AGO2: variants seen among roughly 807,000 people sequenced by gnomAD.
AGO2 encodes protein argonaute-2.
A neutral mutation model predicts 102.3 loss-of-function variants in AGO2; 5 were observed. The observed-to-expected ratio is 0.05, with a 90% CI of 0.03 to 0.10. The LOEUF is 0.10. Ranked by LOEUF, AGO2 falls within the 10% of genes least tolerant of loss-of-function variation. The pLI, the probability that AGO2 is intolerant of heterozygous loss-of-function variation, is 1.00. For synonymous variants in AGO2, 449 were observed against 473.1 expected, an observed-to-expected ratio of 0.95 and a Z score of 0.66; for missense variants, 541 against 1,183.7, an observed-to-expected ratio of 0.46 and a Z score of 7.97.
intron 9 of AGO2, 62 bp from the exon 10 acceptor site, chr8:140,556,080 T>C: frequency 1.2e-6 from 2 of 1,611,280 alleles, no homozygotes; most frequent in Non-Finnish European, 1.7e-6. Context: ...CTCTAGCAGC[T>C]GCGTCCGTTC....
In AGO2 at chr8:140,524,586, A is replaced by G. The variant is rs2072468819; in HGVS notation, c.*7458T>C. On this transcript the variant is annotated 3_prime_UTR_variant, in exon 19 of 19. Transcript: ENST00000220592. ...AGTTCCCCAGAGAAACGCAGCCCCA[A>G]CATGATTCTGAAAGGACACTGAGGA... is the stretch of plus-strand genomic sequence containing the variant. 6.6e-6 allele frequency: 1 copy of G among 152,344 alleles called. No homozygotes were observed. Among genetic ancestry groups the G allele is most frequent in the East Asian group, 1.9e-4 (1 of 5,194 alleles). 9.4% of individuals were successfully genotyped at this position (152,344 alleles called of 1,614,324 possible). A position where few individuals can be genotyped will look rare whatever the true frequency, so the allele number is the denominator to read the frequency against.
intron 10 of AGO2, among the ~76,000 whole-genome samples, chr8:140,553,417 T>C (rs933777339): frequency 6.6e-6 from 1 of 150,576 alleles, no homozygotes; most frequent in Admixed American, 6.6e-5. Flanking sequence ...TTTTGTTTTT[T>C]TTTTTTTTTG....
At chr8:140,550,288 A>T (rs981534326) in intron 11 of AGO2, among the ~76,000 whole-genome samples, 5 of 152,224 alleles carry the variant, frequency 3.3e-5, no homozygotes, top group Admixed American at 6.5e-5. Context: ...TACACCTCAC[A>T]GGCTGGAGTT....
In AGO2 at chr8:140,520,162, TAGG is replaced by T. The variant is rs948995251; in HGVS notation, c.*11879_*11881del. 1.3e-5 allele frequency: 2 copies of T among 152,148 alleles called. No homozygotes were observed. The highest frequency in any genetic ancestry group is 2.4e-5 in the African/African-American group (1 of 41,434). The allele number at this position is 152,148 out of a possible 1,614,324, so 9.4% of individuals were successfully genotyped here. On this transcript the variant is annotated 3_prime_UTR_variant, in exon 19 of 19. Transcript: ENST00000220592. ...GATTTTTGGAAGAGGCAGCTGTAAATAGGAGGACTTTTATTTAATTTTTTGCTG... is the reference window on the plus strand; with the variant it reads ...GATTTTTGGAAGAGGCAGCTGTAAATAGGACTTTTATTTAATTTTTTGCTG...
intron 4 of AGO2, among the ~76,000 whole-genome samples, chr8:140,560,877 C>T (rs577935098): frequency 6.6e-6 from 1 of 152,354 alleles, no homozygotes; most frequent in South Asian, 2.1e-4. Context: ...GGGCCTGTGT[C>T]CCCAAGCGCA....
chr8:140,603,362 T>C (rs376643707), intron 1 of AGO2, among the ~76,000 whole-genome samples: 1 of 152,212 alleles, frequency 6.6e-6, no homozygotes, highest in Non-Finnish European at 1.5e-5. Context: ...GCCAGGTTGT[T>C]TTCTTCTTGT....
chr8:140,639,351 C>G (rs754363025), upstream of AGO2, among the ~76,000 whole-genome samples: 1 of 152,004 alleles, frequency 6.6e-6, no homozygotes, highest in Non-Finnish European at 1.5e-5. Flanking sequence ...TGTGGTGGCA[C>G]GCGCCTGTAG....
At chr8:140,625,490 A>G (rs1015536265) in intron 1 of AGO2, among the ~76,000 whole-genome samples, 5 of 151,686 alleles carry the variant, frequency 3.3e-5, no homozygotes, top group Non-Finnish European at 7.4e-5. Flanking sequence ...CTGCTCAACC[A>G]TGGTCTTTCA....
At chr8:140,585,555 C>T (rs2073643191) in intron 1 of AGO2, among the ~76,000 whole-genome samples, 1 of 152,206 alleles carries the variant, frequency 6.6e-6, no homozygotes. Flanking sequence ...CTGTCTCAGA[C>T]ACTGGAGAGA....
At chr8:140,597,142 A>C (rs60612812) in intron 1 of AGO2, among the ~76,000 whole-genome samples, 1,552 of 152,324 alleles carry the variant, frequency 0.01, 22 homozygotes, top group African/African-American at 0.036. Flanking sequence ...TGTTTCGTTC[A>C]TTTATAACCA....
chr8:140,599,892 T>C (rs898587313), intron 1 of AGO2, among the ~76,000 whole-genome samples: 11 of 152,168 alleles, frequency 7.2e-5, no homozygotes, highest in African/African-American at 1.2e-4. Flanking sequence ...TGGCTGATTT[T>C]TGTATTTTTC....
At chr8:140,546,553 G>T (rs2072904514) in intron 13 of AGO2, among the ~76,000 whole-genome samples, 1 of 152,240 alleles carries the variant, frequency 6.6e-6, no homozygotes, top group Admixed American at 6.5e-5. Context: ...TTCGATTTAG[G>T]ATTCTTAACT....
chr8:140,608,630 C>G (rs1324891305), intron 1 of AGO2, among the ~76,000 whole-genome samples: 1 of 152,222 alleles, frequency 6.6e-6, no homozygotes, highest in Non-Finnish European at 1.5e-5. Flanking sequence ...CGCATGCCAC[C>G]TGGGCGGGCA....
chr8:140,642,067 AAAG>A, the AGO2 span, among the ~76,000 whole-genome samples: 1 of 152,090 alleles, frequency 6.6e-6, no homozygotes, highest in Non-Finnish European at 1.5e-5. Context: ...AAGGAAAAAA[AAAG>A]AAAGGAAAAA....
chr8:140,562,663 C>T (rs769373836), intron 3 of AGO2, 29 bp from the exon 4 acceptor site: 1 of 1,603,246 alleles, frequency 6.2e-7, no homozygotes, highest in South Asian at 1.1e-5. Flanking sequence ...CACAAGGTTA[C>T]TCCCTCCTGC....
At chr8:140,588,287 A>T (rs1286325190) in intron 1 of AGO2, among the ~76,000 whole-genome samples, 1 of 152,196 alleles carries the variant, frequency 6.6e-6, no homozygotes, top group Admixed American at 6.5e-5. Flanking sequence ...GGATTCTAGC[A>T]CAGCGCACCT....
chr8:140,635,902 G>A (rs1252770499), upstream of AGO2, among the ~76,000 whole-genome samples: 1 of 148,976 alleles, frequency 6.7e-6, no homozygotes, highest in East Asian at 2.0e-4. Context: ...GGGGACGAGG[G>A]CCGAGGGCGG....
At chr8:140,579,484 C>T (rs936589094) in intron 2 of AGO2, among the ~76,000 whole-genome samples, 1 of 152,124 alleles carries the variant, frequency 6.6e-6, no homozygotes, top group Non-Finnish European at 1.5e-5. Context: ...GAACTACAGA[C>T]ACGGTAATCA....
rs73362304 is a variant in AGO2, at chr8:140,558,659, T to C, written c.791-87A>G. Reference sequence around the variant, plus strand: ...TTGCGAGAATCAGTTTTCATAGGAATGTGGCTGGGGACCCAAGTTATGGGG... The same window carrying C: ...TTGCGAGAATCAGTTTTCATAGGAACGTGGCTGGGGACCCAAGTTATGGGG... On this transcript the variant is annotated intron_variant, in intron 6 of 18. Transcript: ENST00000220592. The C allele has an allele frequency of 5.8e-4, 839 of 1,441,184 alleles. 6 individuals carry two copies. The African/African-American group carries it at 0.01, about 18-fold the overall frequency. 89.3% of individuals were successfully genotyped at this position (1,441,184 alleles called of 1,614,324 possible).
Sources: allele counts gnomAD v4.1 joint callset (sites outside exome capture counted in the v4.1 genomes callset), GRCh38; gene constraint gnomAD v4.1.1; transcripts MANE v1.5; gene names NCBI Gene and HGNC (gene_info 2026-07-23, HGNC 2026-07-21).